Variants in C2orf49 observed in about 807,000 individuals in gnomAD.
The protein encoded by C2orf49 is tRNA-splicing ligase complex subunit ASW.
C2orf49 carries 11 observed loss-of-function variants against 20.6 expected under a neutral mutation model. The ratio of observed to expected loss-of-function variants is 0.53; its 90% CI spans 0.34 to 0.88. The LOEUF (loss-of-function observed/expected upper bound fraction) is 0.88, where lower values mean the gene tolerates loss of function less well. C2orf49 is among the 40% of genes least tolerant of loss of function. The pLI is 0.02. For synonymous variants in C2orf49, 134 were observed against 108.5 expected (o/e 1.24, Z -1.46); for missense variants, 289 against 274.2 (o/e 1.05, Z -0.38).
At chr2:105,384,383 T>A in the C2orf49 span, among the ~76,000 whole-genome samples, 3 of 152,162 alleles carry the variant, frequency 2.0e-5, no homozygotes, top group African/African-American at 7.2e-5. Context: ...AAGGAAGTAG[T>A]CAGCAGAAAG....
At chr2:105,359,050 T>C in the C2orf49 span, 17 of 152,354 alleles carry the variant, frequency 1.1e-4, no homozygotes, top group African/African-American at 3.1e-4. Context: ...CGTTCTCTTC[T>C]TCCAAGTGTC....
At chr2:105,363,249 A>C in the C2orf49 span, 12 of 1,607,792 alleles carry the variant, frequency 7.5e-6, no homozygotes, top group Non-Finnish European at 9.4e-6. Context: ...TCAAGCTTCC[A>C]ATCGCCCCTG....
the C2orf49 span, among the ~76,000 whole-genome samples, chr2:105,370,034 AG>A: frequency 1.3e-5 from 2 of 152,222 alleles, no homozygotes; most frequent in Admixed American, 6.5e-5. Flanking sequence ...AGTCTCCCGC[AG>A]GCGGAAGCGC....
At chr2:105,385,542 G>T in the C2orf49 span, among the ~76,000 whole-genome samples, 1 of 152,232 alleles carries the variant, frequency 6.6e-6, no homozygotes, top group Non-Finnish European at 1.5e-5. Flanking sequence ...TTCCTTTAGA[G>T]ATGCCAAAGG....
intron 1 of C2orf49, among the ~76,000 whole-genome samples, chr2:105,338,504 G>A (rs542098178): frequency 6.6e-6 from 1 of 152,214 alleles, no homozygotes; most frequent in South Asian, 2.1e-4. Flanking sequence ...TCAGTTTCTC[G>A]TTCAGTAGTT....
rs1679719284 is a variant in C2orf49 at position 105,343,163 on chromosome 2, T to C, written c.582T>C (p.Pro194=). Residue 194 remains proline (P), a synonymous_variant, in exon 3 of 4, where the codon CCT becomes CCC. Coordinates refer to ENST00000258457, the MANE Select transcript of C2orf49 (RefSeq NM_024093.3). ...SGPVKSPPLS[P]VGTTPVKLKR... is the part of the protein sequence containing the mutation. ...CTGTGAAGTCGCCACCATTGTCCCC[T>C]GTTGGAACTACTCCAGTGAAGTTAA... The C allele has an allele frequency of 6.2e-7, 1 of 1,613,830 alleles. No homozygotes were observed. Among genetic ancestry groups the C allele is most frequent in the East Asian group, 2.2e-5 (1 of 44,882 alleles).
chr2:105,353,350 T>G (rs1291061132), downstream of C2orf49, among the ~76,000 whole-genome samples: 1 of 152,216 alleles, frequency 6.6e-6, no homozygotes, highest in African/African-American at 2.4e-5. Flanking sequence ...GCATAAATGC[T>G]AATAGATGTC....
downstream of C2orf49, among the ~76,000 whole-genome samples, chr2:105,350,281 T>C (rs1030043216): frequency 2.6e-5 from 4 of 152,170 alleles, no homozygotes; most frequent in African/African-American, 9.7e-5. Flanking sequence ...ATGAAAGCCC[T>C]AAGGCTTACT....
At chr2:105,377,047 T>G in the C2orf49 span, among the ~76,000 whole-genome samples, 1 of 152,230 alleles carries the variant, frequency 6.6e-6, no homozygotes, top group Non-Finnish European at 1.5e-5. Flanking sequence ...ATGTGTTCTG[T>G]AACCCATTCA....
rs766106833 is a variant in C2orf49, at chr2:105,343,226, A to G, written c.642+3A>G. ...CTAAAGAAGAGGCAGAGGCCATGGT[A>G]AGTATGGGGGTGGTTTCCATGCTGG... On this transcript the variant is annotated splice_donor_region_variant and intron_variant, in intron 3 of 3. Coordinates refer to ENST00000258457, the MANE Select transcript of C2orf49 (RefSeq NM_024093.3). The G allele has an allele frequency of 1.3e-6, 2 of 1,579,524 alleles. No individual in the cohort carries two copies. Among genetic ancestry groups the G allele is most frequent in the Non-Finnish European group, 1.7e-6 (2 of 1,167,098 alleles).
chr2:105,376,352 G>A, the C2orf49 span: 1 of 152,162 alleles, frequency 6.6e-6, no homozygotes, highest in Non-Finnish European at 1.5e-5. Context: ...ATGTGTGTGT[G>A]TGTTCATTTA....
At chr2:105,339,421 G>C (rs1420924404) in intron 1 of C2orf49, among the ~76,000 whole-genome samples, 162 bp from the exon 2 acceptor site, 2 of 152,204 alleles carry the variant, frequency 1.3e-5, no homozygotes, top group African/African-American at 4.8e-5. Context: ...AGTATCTACA[G>C]AATTTAACCT....
At chr2:105,358,131 C>T in the C2orf49 span, 1 of 152,196 alleles carries the variant, frequency 6.6e-6, no homozygotes, top group Non-Finnish European at 1.5e-5. Context: ...CTACTAATAG[C>T]ATGGAGTTAC....
the C2orf49 span, among the ~76,000 whole-genome samples, chr2:105,383,778 C>T: frequency 6.6e-6 from 1 of 152,232 alleles, no homozygotes; most frequent in Non-Finnish European, 1.5e-5. Flanking sequence ...ACAAACCCAA[C>T]TACCCGATTA....
the C2orf49 span, chr2:105,359,261 C>G: frequency 6.6e-6 from 1 of 152,140 alleles, no homozygotes; most frequent in Non-Finnish European, 1.5e-5. Flanking sequence ...TAATGAGGAA[C>G]AAGTAAGATG....
chr2:105,357,059 C>T, the C2orf49 span, among the ~76,000 whole-genome samples: 1 of 152,142 alleles, frequency 6.6e-6, no homozygotes, highest in African/African-American at 2.4e-5. Context: ...GCAATTCTCT[C>T]ACCTCAGCCT....
chr2:105,361,853 C>T, the C2orf49 span, among the ~76,000 whole-genome samples: 1 of 152,046 alleles, frequency 6.6e-6, no homozygotes, highest in African/African-American at 2.4e-5. Context: ...AAGGTTAATC[C>T]TCCCTGGGAT....
the C2orf49 span, among the ~76,000 whole-genome samples, chr2:105,371,094 A>G: frequency 1.3e-5 from 2 of 152,064 alleles, no homozygotes; most frequent in Non-Finnish European, 2.9e-5. Context: ...TTATCTGATC[A>G]TGTTTTTCTT....
the C2orf49 span, among the ~76,000 whole-genome samples, chr2:105,384,744 T>G: frequency 6.6e-6 from 1 of 152,214 alleles, no homozygotes; most frequent in Non-Finnish European, 1.5e-5. Flanking sequence ...CCGGCCTCAA[T>G]TGATTCACCC....
Sources: gnomAD v4.1 joint callset for allele counts (sites outside exome capture counted in the v4.1 genomes callset) on GRCh38, gnomAD v4.1.1 for gene constraint, MANE v1.5 for transcripts, NCBI Gene and HGNC (gene_info 2026-07-23, HGNC 2026-07-21) for gene names.